Variants in PCDHGA9 observed in about 807,000 individuals in gnomAD.
PCDHGA9 encodes protocadherin gamma subfamily A, 9.
In PCDHGA9, 37 loss-of-function variants were observed where a neutral mutation model predicts 62.5. The ratio of observed to expected loss-of-function variants is 0.59; its 90% confidence interval spans 0.46 to 0.78. The LOEUF (loss-of-function observed/expected upper bound fraction) is 0.78. PCDHGA9 is among the 30% of genes least tolerant of loss of function. The pLI, the probability that PCDHGA9 is intolerant of heterozygous loss-of-function variation, is 0.00. For synonymous variants in PCDHGA9, 459 were observed against 484.6 expected, an observed-to-expected ratio of 0.95 and a Z score of 0.69; for missense variants, 1,138 against 1,166.2, an observed-to-expected ratio of 0.98 and a Z score of 0.35.
chr5:141,431,901 A>G lies in PCDHGA9; in HGVS notation c.2424+26525A>G, dbSNP rs1373642371. 5.0e-6 allele frequency: 8 copies of G among 1,613,872 alleles called. No homozygotes were observed. The highest frequency in any genetic ancestry group is 1.6e-4 in the Middle Eastern group (1 of 6,062). On this transcript the variant is annotated intron_variant, in intron 1 of 3. Coordinates refer to ENST00000573521, the MANE Select transcript of PCDHGA9 (RefSeq NM_018921.3). This position sits in a 1 kb window ranked among gnomAD's most constrained non-coding sequence, Gnocchi z 4.8. Reference sequence around the variant, plus strand: ...GACCAAGATTCTGAGGAAAACGGACAGGTGATCTGTTTCATCCAAGGAAAT... The same window carrying G: ...GACCAAGATTCTGAGGAAAACGGACGGGTGATCTGTTTCATCCAAGGAAAT...
At position 141,433,290 on chromosome 5, in the gene PCDHGA9, C is replaced by T. The variant is rs186668064; in HGVS notation, c.2424+27914C>T. ...CTCACTGCAGCCTCAAACTCCTAGG[C>T]TCAAGCAATTATCCCACCTTTGCCT... On this transcript the variant is annotated intron_variant, in intron 1 of 3. Transcript: ENST00000573521. The T allele has an allele frequency of 1.6e-3, 1,738 of 1,107,746 alleles. 60 individuals carry two copies. In the Admixed American group the frequency reaches 0.041, roughly 26 times the overall value. 68.6% of individuals were successfully genotyped at this position (1,107,746 alleles called of 1,614,324 possible). A position where few individuals can be genotyped will look rare whatever the true frequency, so the allele number is the denominator to read the frequency against.
intron 1 of PCDHGA9, chr5:141,416,850 T>C (rs2096064812): frequency 6.6e-6 from 1 of 151,902 alleles, no homozygotes; most frequent in South Asian, 2.1e-4. Flanking sequence ...AATTCCATGA[T>C]TTTTTTCAGG....
At chr5:141,460,546 C>A (rs182506898) in intron 1 of PCDHGA9, among the ~76,000 whole-genome samples, 51 of 152,152 alleles carry the variant, frequency 3.4e-4, no homozygotes, top group African/African-American at 1.1e-3. Context: ...GCACCTTAAT[C>A]AAAAATCATT....
At chr5:141,466,457 A>G (rs969935541) in intron 1 of PCDHGA9, among the ~76,000 whole-genome samples, 12 of 152,146 alleles carry the variant, frequency 7.9e-5, no homozygotes, top group Admixed American at 6.6e-4. Context: ...GGTGTTGGCT[A>G]TTGTTTCTGC....
chr5:141,487,176 A>T lies in PCDHGA9; in HGVS notation c.2425-7631A>T. ...ACTCTCTTAGTGTCCTTAGAGGAAG[A>T]CACTCATCCAGTTGTCCCAGATCTT... On this transcript the variant is annotated intron_variant, in intron 1 of 3. Transcript: ENST00000573521. This position sits in a 1 kb window ranked among gnomAD's most constrained non-coding sequence, Gnocchi z 5.0. 1 of 1,613,774 alleles carries T rather than the reference A, an allele frequency of 6.2e-7. No individual in the cohort carries two copies. Among genetic ancestry groups the T allele is most frequent in the South Asian group, 1.1e-5 (1 of 91,082 alleles).
chr5:141,472,079 G>T (rs2099271048), intron 1 of PCDHGA9, among the ~76,000 whole-genome samples: 1 of 152,124 alleles, frequency 6.6e-6, no homozygotes, highest in African/African-American at 2.4e-5. Flanking sequence ...TTATATCAAT[G>T]AGTACTATTA....
rs142995927 is a variant in PCDHGA9, at chr5:141,489,933, C to T, written c.2425-4874C>T. 38 of 1,614,064 alleles carry T rather than the reference C, an allele frequency of 2.4e-5. No homozygotes were observed. The highest frequency in any genetic ancestry group is 1.8e-4 in the South Asian group (16 of 91,084). On this transcript the variant is annotated intron_variant, in intron 1 of 3. Transcript: ENST00000573521. This position sits in a 1 kb window ranked among gnomAD's most constrained non-coding sequence, Gnocchi z 4.5. ...CAGGGACCACCCTTATCTCTGTCAT[C>T]GTGCTGGACATCAATGATAATGCTC...
chr5:141,408,909 A>G lies in PCDHGA9; in HGVS notation c.2424+3533A>G, dbSNP rs746399377. On this transcript the variant is annotated intron_variant, in intron 1 of 3. Transcript: ENST00000573521. ...ATAGAAATTTCTGTCAAGGATACCA[A>G]TGATAACCCCCCGGTTTTCAGCAGA... 1.3e-5 allele frequency: 21 copies of G among 1,613,442 alleles called. No individual in the cohort carries two copies. In the East Asian group the frequency reaches 2.5e-4, roughly 19 times the overall value.
intron 1 of PCDHGA9, chr5:141,419,335 T>C: frequency 6.2e-7 from 1 of 1,613,886 alleles, no homozygotes; most frequent in Non-Finnish European, 8.5e-7. Context: ...ACTCTCTCAT[T>C]GCCAGCGACC....
At chr5:141,465,457 C>G (rs956070103) in intron 1 of PCDHGA9, among the ~76,000 whole-genome samples, 1 of 152,214 alleles carries the variant, frequency 6.6e-6, no homozygotes, top group Non-Finnish European at 1.5e-5. Context: ...AAAACTCTCA[C>G]CAAATTGCCC....
Position 141,420,946 on chromosome 5 carries a change from A to G in PCDHGA9, c.2424+15570A>G, listed in dbSNP as rs1561791007. 5 of 400,268 alleles carry G rather than the reference A, an allele frequency of 1.2e-5. No homozygotes were observed. In the East Asian group the frequency reaches 1.7e-4, roughly 14 times the overall value. The allele number at this position is 400,268 out of a possible 1,614,324, so 24.8% of individuals were successfully genotyped here. A position where few individuals can be genotyped will look rare whatever the true frequency, so the allele number is the denominator to read the frequency against. ...AGGTGAGCGTAATCATTTCTTCTGG[A>G]ATTTCTTAGTCGTTGCAATAATAAG... On this transcript the variant is annotated intron_variant, in intron 1 of 3. Coordinates refer to ENST00000573521, the MANE Select transcript of PCDHGA9 (RefSeq NM_018921.3).
intron 1 of PCDHGA9, chr5:141,414,145 C>T (rs1157390595): frequency 6.3e-7 from 1 of 1,597,566 alleles, no homozygotes; most frequent in Non-Finnish European, 8.5e-7. Context: ...AATAGAAATA[C>T]AAGCAGAAGA....
At position 141,409,990 on chromosome 5, in the gene PCDHGA9, C is replaced by G. The variant is rs377295503; in HGVS notation, c.2424+4614C>G. On this transcript the variant is annotated intron_variant, in intron 1 of 3. Transcript: ENST00000573521. The stretch of plus-strand genomic sequence containing the variant: ...TGACTAAGGTGGTAGCGGTGGACGC[C>G]GACTCGGGACACAACGCCTGGCTGT... 2.7e-5 allele frequency: 44 copies of G among 1,613,278 alleles called. No homozygotes were observed. The African/African-American group carries it at 5.3e-4, about 20-fold the overall frequency.
rs61612330 is a variant in PCDHGA9, at chr5:141,454,796, A to ATTTTTTT, written c.2425-39988_2425-39982dup. On this transcript the variant is annotated intron_variant, in intron 1 of 3. Transcript: ENST00000573521. Reference sequence around the variant, plus strand: ...AAGGAAATAATCCTCCATGGTTCTAATTTTTTTTTTTTTTTTTTTTTTTTT... The same window carrying ATTTTTTT: ...AAGGAAATAATCCTCCATGGTTCTAATTTTTTTTTTTTTTTTTTTTTTTTTTTTTTTT... Among the ~76,000 whole-genome samples the ATTTTTTT allele has an allele frequency of 2.6e-3, 198 of 77,448 alleles. 27 individuals are homozygous for ATTTTTTT. The highest frequency in any genetic ancestry group is 8.4e-3 in the African/African-American group (141 of 16,874). The allele number at this position is 77,448 out of a possible 152,430, so 50.8% of individuals were successfully genotyped here. A position where few individuals can be genotyped will look rare whatever the true frequency, so the allele number is the denominator to read the frequency against.
At position 141,476,613 on chromosome 5, in the gene PCDHGA9, G is replaced by A; in HGVS notation, c.2425-18194G>A. On this transcript the variant is annotated intron_variant, in intron 1 of 3. Coordinates refer to ENST00000573521, the MANE Select transcript of PCDHGA9 (RefSeq NM_018921.3). This position sits in a 1 kb window ranked among gnomAD's most constrained non-coding sequence, Gnocchi z 7.6. ...AGCGCGCACGATCCCGATGTGGGAA[G>A]CAACTCTTTACAAACCTATGAGCTG... is the stretch of plus-strand genomic sequence containing the variant. 1 of 1,614,266 alleles carries A rather than the reference G, an allele frequency of 6.2e-7. No homozygotes were observed. The highest frequency in any genetic ancestry group is 1.3e-5 in the African/African-American group (1 of 75,078).
rs1316573600 is a variant in PCDHGA9 at position 141,490,443 on chromosome 5, G to A, written c.2425-4364G>A. The A allele has an allele frequency of 1.2e-6, 2 of 1,614,174 alleles. No individual in the cohort carries two copies. Among genetic ancestry groups the A allele is most frequent in the Non-Finnish European group, 8.5e-7 (1 of 1,180,042 alleles). On this transcript the variant is annotated intron_variant, in intron 1 of 3. Coordinates refer to ENST00000573521, the MANE Select transcript of PCDHGA9 (RefSeq NM_018921.3). The surrounding 1 kb of genome is among the most constrained non-coding windows in gnomAD (Gnocchi z 5.4). ...TGCCATTTCAGATTAAGCCTTCTGA[G>A]AACCACTACTCGCTGCTAACCAGCC...
At position 141,489,185 on chromosome 5, in the gene PCDHGA9, T is replaced by TCTA; in HGVS notation, c.2425-5620_2425-5618dup. Reference sequence around the variant, plus strand: ...CAGCTGCTGCATTCCAAGCCCTGGGTCTACCTTGGAGACAGGACAGCACAG... The same window carrying TCTA: ...CAGCTGCTGCATTCCAAGCCCTGGGTCTACTACCTTGGAGACAGGACAGCACAG... On this transcript the variant is annotated intron_variant, in intron 1 of 3. Coordinates refer to ENST00000573521, the MANE Select transcript of PCDHGA9 (RefSeq NM_018921.3). This position sits in a 1 kb window ranked among gnomAD's most constrained non-coding sequence, Gnocchi z 4.5. 7.8e-7 allele frequency: 1 copy of TCTA among 1,286,838 alleles called. No homozygotes were observed. The highest frequency in any genetic ancestry group is 1.5e-5 in the South Asian group (1 of 65,798). The allele number at this position is 1,286,838 out of a possible 1,614,324, so 79.7% of individuals were successfully genotyped here.
At chr5:141,502,862 C>CTTTT (rs2154593209) in intron 2 of PCDHGA9, among the ~76,000 whole-genome samples, 1 of 68,550 alleles carries the variant, frequency 1.5e-5, no homozygotes, top group African/African-American at 9.9e-5. Flanking sequence ...CCCTGACTCT[C>CTTTT]TGTCTTTTTT....
At chr5:141,409,471 AG>A in intron 1 of PCDHGA9, 1 of 1,613,978 alleles carries the variant, frequency 6.2e-7, no homozygotes, top group Non-Finnish European at 8.5e-7. Flanking sequence ...TCACCATCGT[AG>A]CCACTGACAG....
Sources: gnomAD v4.1 joint callset for allele counts (sites outside exome capture counted in the v4.1 genomes callset) on GRCh38, gnomAD v4.1.1 for gene constraint, Gnocchi (gnomAD v3.1) non-coding constraint, MANE v1.5 for transcripts, NCBI Gene and HGNC (gene_info 2026-07-23, HGNC 2026-07-21) for gene names.